Variants in ZNF292 observed in about 807,000 individuals in gnomAD.
ZNF292 encodes zinc finger protein 292.
In ZNF292, 26 loss-of-function variants were observed where a neutral mutation model predicts 217.9. The ratio of observed to expected loss-of-function variants is 0.12; its 90% confidence interval spans 0.09 to 0.17. ZNF292 has a LOEUF of 0.17. ZNF292 is among the 10% of genes least tolerant of loss of function. The pLI is 1.00. For missense variants in ZNF292, 2,904 were observed against 3,175.2 expected (o/e 0.91, Z 2.05); for synonymous variants, 1,257 against 1,124.1 (o/e 1.12, Z -2.37).
rs1375376536 is a variant in ZNF292, at chr6:87,258,283, A to G, written c.4654A>G (p.Arg1552Gly). 6.2e-7 allele frequency: 1 copy of G among 1,613,472 alleles called. No individual in the cohort carries two copies. Residue 1552 changes from arginine to glycine, a missense_variant, in exon 8 of 8, where the codon AGG (arginine) becomes GGG (glycine). Transcript: ENST00000369577. ...AAACACCTTGCTGACCAACCAGAAT[A>G]GGACGTCAAACTCCAAAACTTCCTC... ...HPNTLLTNQN[R>G]TSNSKTSSIE...
intron 1 of ZNF292, among the ~76,000 whole-genome samples, chr6:87,159,518 A>T (rs1282045473): frequency 1.3e-3 from 117 of 93,488 alleles, no homozygotes; most frequent in Middle Eastern, 4.7e-3. Flanking sequence ...TTTTTTTTTA[A>T]AAAAGATGTA....
chr6:87,234,868 T>TA (rs1247268153), intron 5 of ZNF292, among the ~76,000 whole-genome samples: 1 of 146,906 alleles, frequency 6.8e-6, no homozygotes, highest in Non-Finnish European at 1.5e-5. Flanking sequence ...GATTGTGTGA[T>TA]TTTTTTTTTC....
chr6:87,247,172 A>T (rs1774636539), intron 7 of ZNF292, among the ~76,000 whole-genome samples: 1 of 87,664 alleles, frequency 1.1e-5, no homozygotes, highest in Non-Finnish European at 2.2e-5. Context: ...ACTTGGTCTT[A>T]AAAAAAAAAA....
chr6:87,222,671 G>T, intron 4 of ZNF292: 1 of 349,930 alleles, frequency 2.9e-6, no homozygotes, highest in Non-Finnish European at 5.9e-6. Context: ...TGGTACATTT[G>T]TCACAATTAA....
chr6:87,245,514 T>A lies in ZNF292; in HGVS notation c.890T>A (p.Leu297His). ...GDMYCAWELT[L>H]FWSKLQQRVE... ...TTTTTTTTTTTAAGGGAACTTACTC[T>A]CTTTTGGAGTAAATTACAACAAAGA... The change falls in exon 7 of 8, where the codon CTC becomes CAC. Residue 297 changes from leucine to histidine, a missense_variant. Coordinates refer to ENST00000369577, the MANE Select transcript of ZNF292 (RefSeq NM_015021.3). 1 of 1,515,420 alleles carries A rather than the reference T, an allele frequency of 6.6e-7. No homozygotes were observed. The highest frequency in any genetic ancestry group is 8.8e-7 in the Non-Finnish European group (1 of 1,136,042). The allele number at this position is 1,515,420 out of a possible 1,614,324, so 93.9% of individuals were successfully genotyped here. A position where few individuals can be genotyped will look rare whatever the true frequency, so the allele number is the denominator to read the frequency against.
At chr6:87,171,727 G>C (rs1220395811) in intron 1 of ZNF292, among the ~76,000 whole-genome samples, 2 of 152,074 alleles carry the variant, frequency 1.3e-5, no homozygotes, top group South Asian at 2.1e-4. Context: ...GCATATGTCA[G>C]CTTGGACTAG....
At position 87,238,315 on chromosome 6, in the gene ZNF292, C is replaced by T. The variant is rs887684235; in HGVS notation, c.741+4788C>T. 5.3e-5 allele frequency among the ~76,000 whole-genome samples: 8 copies of T among 151,828 alleles called. No individual in the cohort carries two copies. The East Asian group carries it at 5.8e-4, about 11-fold the overall frequency. ...CAGCCTGGGCAACATGGTGAAACCC[C>T]GTCTCTACGAAAATATAAAAATTAG... On this transcript the variant is annotated intron_variant, in intron 5 of 7. Transcript: ENST00000369577.
intron 5 of ZNF292, among the ~76,000 whole-genome samples, chr6:87,241,221 T>C (rs1774268171): frequency 6.6e-6 from 1 of 151,700 alleles, no homozygotes; most frequent in Non-Finnish European, 1.5e-5. Flanking sequence ...GAGGCGGAGG[T>C]TGCAGTGAGC....
chr6:87,254,573 A>G (rs1049774627), intron 7 of ZNF292, 77 bp from the exon 8 acceptor site: 10 of 1,386,116 alleles, frequency 7.2e-6, no homozygotes, highest in East Asian at 2.3e-5. Context: ...ACAAATCTCA[A>G]TCTTAACTAA....
In ZNF292 at chr6:87,257,789, C is replaced by A. The variant is rs771249784; in HGVS notation, c.4160C>A (p.Pro1387His). ...AGGTGTTACAGGGCTTTTACTAATC[C>A]CAGATCACTGGGTGGGCACTTATCC... Reference protein sequence around the residue: ...CSRCYRAFTNPRSLGGHLSKR... With the variant: ...CSRCYRAFTNHRSLGGHLSKR... The change falls in exon 8 of 8, where the codon CCC (proline) becomes CAC (histidine). Residue 1387 changes from proline (P) to histidine (H), a missense_variant. Pro to His is a moderately conservative substitution (Grantham distance 77). Coordinates refer to ENST00000369577, the MANE Select transcript of ZNF292 (RefSeq NM_015021.3). The A allele has an allele frequency of 1.9e-6, 3 of 1,613,668 alleles. No homozygotes were observed. In the South Asian group the frequency reaches 3.3e-5, roughly 18 times the overall value.
intron 1 of ZNF292, among the ~76,000 whole-genome samples, chr6:87,166,346 G>A (rs9344686): frequency 0.87 from 131,964 of 152,182 alleles, 57,673 homozygotes; most frequent in East Asian, 0.98. Context: ...AATGGCTTTG[G>A]GTTCAACTAT....
At position 87,205,246 on chromosome 6, in the gene ZNF292, A is replaced by T. The variant is rs557476538; in HGVS notation, c.169-10657A>T. Among the ~76,000 whole-genome samples, 31 of 151,818 alleles carry T rather than the reference A, an allele frequency of 2.0e-4. No homozygotes were observed. The South Asian group carries it at 6.5e-3, about 32-fold the overall frequency. ...TGCCACTACACCTGGCTAATTTTTT[A>T]AATTATTGGTAGAGATGAGGTCTTG... On this transcript the variant is annotated intron_variant, in intron 1 of 7. Transcript: ENST00000369577.
At chr6:87,199,604 G>A (rs1772051309) in intron 1 of ZNF292, among the ~76,000 whole-genome samples, 2 of 152,116 alleles carry the variant, frequency 1.3e-5, no homozygotes. Flanking sequence ...GGTCCATTTT[G>A]GGTTTTGTGT....
At position 87,233,413 on chromosome 6, in the gene ZNF292, T is replaced by C. The variant is rs917526936; in HGVS notation, c.627T>C (p.Thr209=). 5 of 1,613,476 alleles carry C rather than the reference T, an allele frequency of 3.1e-6. No homozygotes were observed. The highest frequency in any genetic ancestry group is 4.2e-6 in the Non-Finnish European group (5 of 1,179,688). ...LIKTNQLSQA[T]ALAKLCSDHP... ...AAACAAATCAGTTAAGTCAAGCAAC[T>C]GCTCTAGCAAAGCTGTGTTCTGACC... The change falls in exon 5 of 8, where the codon ACT becomes ACC. Residue 209 remains threonine, a synonymous_variant. Transcript: ENST00000369577.
chr6:87,256,159 C>G lies in ZNF292; in HGVS notation c.2530C>G (p.Gln844Glu). The G allele has an allele frequency of 6.2e-7, 1 of 1,613,806 alleles. No homozygotes were observed. Among genetic ancestry groups the G allele is most frequent in the East Asian group, 2.2e-5 (1 of 44,884 alleles). ...TGAAAAAGTGCTGCCTCCTGAAGCCCAACTTAATTCATCTGGAGATTCCAT... is the reference window on the plus strand; with the variant it reads ...TGAAAAAGTGCTGCCTCCTGAAGCCGAACTTAATTCATCTGGAGATTCCAT... ...PPEKVLPPEAQLNSSGDSIQP... is the reference protein window; with the variant it reads ...PPEKVLPPEAELNSSGDSIQP... The change falls in exon 8 of 8, where the codon CAA (glutamine) becomes GAA (glutamate). Residue 844 changes from glutamine (Q) to glutamate (E), a missense_variant. Transcript: ENST00000369577.
intron 1 of ZNF292, among the ~76,000 whole-genome samples, chr6:87,198,311 T>G (rs1249284127): frequency 3.3e-5 from 5 of 152,110 alleles, no homozygotes; most frequent in Non-Finnish European, 7.3e-5. Context: ...TTCACACCAT[T>G]CTCCTGCCTT....
At chr6:87,221,545 C>T (rs1030708968) in intron 4 of ZNF292, among the ~76,000 whole-genome samples, 2 of 152,106 alleles carry the variant, frequency 1.3e-5, no homozygotes, top group African/African-American at 2.4e-5. Context: ...CTGGTGCTGC[C>T]TCTAAAGCCA....
intron 5 of ZNF292, among the ~76,000 whole-genome samples, chr6:87,237,697 T>C (rs1773969515): frequency 6.6e-6 from 1 of 152,242 alleles, no homozygotes; most frequent in African/African-American, 2.4e-5. Flanking sequence ...TTGAAATAAT[T>C]GTTATGCTTT....
At chr6:87,218,903 A>G (rs761687322) in intron 4 of ZNF292, among the ~76,000 whole-genome samples, 172 bp downstream of exon 4, 46 of 152,266 alleles carry the variant, frequency 3.0e-4, no homozygotes, top group Non-Finnish European at 4.6e-4. Context: ...GGGGAAGATG[A>G]ATTTATACGA....
Sources: allele counts gnomAD v4.1 joint callset (sites outside exome capture counted in the v4.1 genomes callset), GRCh38; gene constraint gnomAD v4.1.1; transcripts MANE v1.5; gene names NCBI Gene and HGNC (gene_info 2026-07-23, HGNC 2026-07-21).